The following HTRA3 variants were observed in gnomAD, a reference collection of about 807,000 sequenced individuals.
The protein encoded by HTRA3 is serine protease HTRA3.
In HTRA3, 41 loss-of-function variants were observed where a neutral mutation model predicts 43.2. The ratio of observed to expected loss-of-function variants is 0.95; its 90% CI spans 0.74 to 1.23. The LOEUF is 1.23. HTRA3 is among the 50% of genes most tolerant of loss of function. HTRA3 has a pLI of 0.00. For missense variants in HTRA3, 628 were observed against 647.1 expected, an observed-to-expected ratio of 0.97 and a Z score of 0.32; for synonymous variants, 295 against 287.9, an observed-to-expected ratio of 1.02 and a Z score of -0.25.
chr4:8,270,217 C>G lies in HTRA3; in HGVS notation c.249C>G (p.Cys83Trp), dbSNP rs1261702475. The G allele has an allele frequency of 6.5e-7, 1 of 1,537,286 alleles. No homozygotes were observed. The highest frequency in any genetic ancestry group is 1.9e-5 in the Admixed American group (1 of 52,096). The change falls in exon 1 of 9, where the codon TGC becomes TGG. Residue 83 changes from cysteine (C) to tryptophan (W), a missense_variant. Cys to Trp is a radical substitution (Grantham distance 215, BLOSUM62 -2). Transcript: ENST00000307358. The part of the protein sequence containing the change: ...SLECVRGLCR[C>W]RWSHAVCGTD... ...AGTGCGTGCGCGGCCTATGCCGCTG[C>G]CGCTGGTCGCACGCCGTGTGTGGCA... is the stretch of plus-strand genomic sequence containing the variant.
chr4:8,276,130 G>A (rs1042601342), intron 1 of HTRA3, among the ~76,000 whole-genome samples: 5 of 152,260 alleles, frequency 3.3e-5, no homozygotes, highest in African/African-American at 1.2e-4. Flanking sequence ...CTGCCCACCT[G>A]TGTGCATTAC....
At chr4:8,304,648 T>G (rs1713772510) in intron 8 of HTRA3, among the ~76,000 whole-genome samples, 1 of 83,840 alleles carries the variant, frequency 1.2e-5, no homozygotes, top group African/African-American at 4.7e-5. Flanking sequence ...CTATTGTTTT[T>G]TTTTTTTTTT....
At chr4:8,299,909 G>C (rs1713579677) in intron 6 of HTRA3, among the ~76,000 whole-genome samples, 1 of 143,992 alleles carries the variant, frequency 6.9e-6, no homozygotes, top group South Asian at 2.2e-4. Context: ...GTGTGATCTT[G>C]GCTCCCTGCA....
chr4:8,269,966 G>T lies in HTRA3; in HGVS notation c.-3G>T, dbSNP rs756468653. 1.1e-5 allele frequency: 13 copies of T among 1,158,688 alleles called. No homozygotes were observed. The South Asian group carries it at 5.1e-4, about 45-fold the overall frequency. The allele number at this position is 1,158,688 out of a possible 1,614,324, so 71.8% of individuals were successfully genotyped here. On this transcript the variant is annotated 5_prime_UTR_variant, in exon 1 of 9. Transcript: ENST00000307358. ...GCTGCCACCCGCCGCCGGCCCTGCC[G>T]CCATGCAGGCGCGAGCGCTGCTCCT...
chr4:8,271,383 G>A (rs1488621357), intron 1 of HTRA3, among the ~76,000 whole-genome samples: 1 of 152,210 alleles, frequency 6.6e-6, no homozygotes, highest in Non-Finnish European at 1.5e-5. Context: ...GAAACCCAGG[G>A]CTTCCCCAGA....
At chr4:8,299,932 C>A (rs1713580835) in intron 6 of HTRA3, among the ~76,000 whole-genome samples, 2 of 151,752 alleles carry the variant, frequency 1.3e-5, no homozygotes, top group African/African-American at 2.4e-5. Flanking sequence ...CTCTACCTCC[C>A]AGGCTCAAGT....
rs1713423114 is a variant in HTRA3, at chr4:8,295,510, T to C, written c.1051+1309T>C. On this transcript the variant is annotated intron_variant, in intron 6 of 8. Coordinates refer to ENST00000307358, the MANE Select transcript of HTRA3 (RefSeq NM_053044.5). This position sits in a 1 kb window ranked among gnomAD's most constrained non-coding sequence, Gnocchi z 6.9. ...CCTTAAGTGGGCAGTCGCAGCCACC[T>C]TCCAGAGCAGGGCCATGCTTCCAAT... Among the ~76,000 whole-genome samples the C allele has an allele frequency of 6.6e-6, 1 of 152,146 alleles. No homozygotes were observed. The highest frequency in any genetic ancestry group is 1.5e-5 in the Non-Finnish European group (1 of 68,004).
At chr4:8,275,265 G>A (rs1014772356) in intron 1 of HTRA3, among the ~76,000 whole-genome samples, 1 of 152,140 alleles carries the variant, frequency 6.6e-6, no homozygotes, top group South Asian at 2.1e-4. Context: ...GTCTTCCCCC[G>A]ACAGGCCTCT....
chr4:8,287,921 T>G (rs1315377542), intron 3 of HTRA3, among the ~76,000 whole-genome samples: 1 of 152,190 alleles, frequency 6.6e-6, no homozygotes, highest in African/African-American at 2.4e-5. Context: ...GGGACCACAG[T>G]TGAGTTACTT....
In HTRA3 at chr4:8,270,304, G is replaced by T. The variant is rs1377904294; in HGVS notation, c.336G>T (p.Gln112His). The stretch of plus-strand genomic sequence containing the variant: ...AGGCGGCCAGCCGCCGCGCGCTGCA[G>T]CTCTCCGGGACGCCCGTGCGCCAGC... ...ALQAASRRALQLSGTPVRQLQ... is the reference protein window; with the variant it reads ...ALQAASRRALHLSGTPVRQLQ... The change falls in exon 1 of 9, where the codon CAG (glutamine) becomes CAT (histidine). Residue 112 changes from glutamine to histidine, a missense_variant. Transcript: ENST00000307358. The T allele has an allele frequency of 6.8e-7, 1 of 1,475,028 alleles. No individual in the cohort carries two copies. The highest frequency in any genetic ancestry group is 2.4e-5 in the Admixed American group (1 of 41,986). 91.4% of individuals were successfully genotyped at this position (1,475,028 alleles called of 1,614,324 possible).
intron 1 of HTRA3, among the ~76,000 whole-genome samples, chr4:8,280,031 G>A (rs898244260): frequency 2.6e-4 from 40 of 152,228 alleles, no homozygotes; most frequent in African/African-American, 8.7e-4. Context: ...GGGCTGCCTG[G>A]AGGAGGCAGG....
rs1349735045 is a variant in HTRA3, at chr4:8,306,237, G to A, written c.*101G>A. On this transcript the variant is annotated 3_prime_UTR_variant, in exon 9 of 9. Coordinates refer to ENST00000307358, the MANE Select transcript of HTRA3 (RefSeq NM_053044.5). This position sits in a 1 kb window ranked among gnomAD's most constrained non-coding sequence, Gnocchi z 8.9. Reference sequence around the variant, plus strand: ...AGGACCACCGTCGGTCCTCAGCAGGGCGGCAGCCTCCTCCTGGCTGTCCGG... The same window carrying A: ...AGGACCACCGTCGGTCCTCAGCAGGACGGCAGCCTCCTCCTGGCTGTCCGG... 7.8e-7 allele frequency: 1 copy of A among 1,283,220 alleles called. No individual in the cohort carries two copies. The highest frequency in any genetic ancestry group is 1.5e-5 in the African/African-American group (1 of 66,346). The allele number at this position is 1,283,220 out of a possible 1,614,324, so 79.5% of individuals were successfully genotyped here.
Position 8,295,082 on chromosome 4 carries a change from T to TC in HTRA3, c.1051+882dup, listed in dbSNP as rs1195752562. Among the ~76,000 whole-genome samples the TC allele has an allele frequency of 6.7e-6, 1 of 149,814 alleles. No homozygotes were observed. The highest frequency in any genetic ancestry group is 1.5e-5 in the Non-Finnish European group (1 of 67,396). ...TTCTTCCTTCCTTTATTTTTTCCTTTCTTTTTTTCCTTCTCTCCTTCCTTC... is the reference window on the plus strand; with the variant it reads ...TTCTTCCTTCCTTTATTTTTTCCTTTCCTTTTTTTCCTTCTCTCCTTCCTTC... On this transcript the variant is annotated intron_variant, in intron 6 of 8. Coordinates refer to ENST00000307358, the MANE Select transcript of HTRA3 (RefSeq NM_053044.5). This position sits in a 1 kb window ranked among gnomAD's most constrained non-coding sequence, Gnocchi z 6.9.
At position 8,295,653 on chromosome 4, in the gene HTRA3, C is replaced by G; in HGVS notation, c.1051+1452C>G. On this transcript the variant is annotated intron_variant, in intron 6 of 8. Coordinates refer to ENST00000307358, the MANE Select transcript of HTRA3 (RefSeq NM_053044.5). This position sits in a 1 kb window ranked among gnomAD's most constrained non-coding sequence, Gnocchi z 6.9. ...TCCTGGCCAACGCCCAGGCCTGACTCAGCAACTCACACTTCCACATTGCTT... is the reference window on the plus strand; with the variant it reads ...TCCTGGCCAACGCCCAGGCCTGACTGAGCAACTCACACTTCCACATTGCTT... 1 of 1,384,088 alleles carries G rather than the reference C, an allele frequency of 7.2e-7. No homozygotes were observed. The highest frequency in any genetic ancestry group is 1.7e-5 in the South Asian group (1 of 58,720). 85.7% of individuals were successfully genotyped at this position (1,384,088 alleles called of 1,614,324 possible). A position where few individuals can be genotyped will look rare whatever the true frequency, so the allele number is the denominator to read the frequency against.
At chr4:8,282,019 G>A (rs534971164) in intron 1 of HTRA3, among the ~76,000 whole-genome samples, 8 of 152,304 alleles carry the variant, frequency 5.3e-5, no homozygotes, top group African/African-American at 9.6e-5. Context: ...CATGAGGAGA[G>A]GGCCAGTTCT....
At position 8,281,182 on chromosome 4, in the gene HTRA3, C is replaced by T. The variant is rs141773771; in HGVS notation, c.386-1255C>T. Among the ~76,000 whole-genome samples the T allele has an allele frequency of 8.5e-5, 13 of 152,312 alleles. No homozygotes were observed. In the East Asian group the frequency reaches 1.7e-3, roughly 20 times the overall value. Reference sequence around the variant, plus strand: ...CTGTGATGATTCCTAGAGCACGGACCGCGGCCCGGGCCCTGCCCCCACAGT... The same window carrying T: ...CTGTGATGATTCCTAGAGCACGGACTGCGGCCCGGGCCCTGCCCCCACAGT... On this transcript the variant is annotated intron_variant, in intron 1 of 8. Coordinates refer to ENST00000307358, the MANE Select transcript of HTRA3 (RefSeq NM_053044.5).
chr4:8,298,268 G>C (rs1350967304), intron 6 of HTRA3, among the ~76,000 whole-genome samples: 1 of 152,194 alleles, frequency 6.6e-6, no homozygotes, highest in Non-Finnish European at 1.5e-5. Flanking sequence ...GGCCAGCTCT[G>C]ACCCCATCTC....
chr4:8,305,578 C>T lies in HTRA3; in HGVS notation c.1197-393C>T, dbSNP rs1713809555. 2.6e-5 allele frequency among the ~76,000 whole-genome samples: 4 copies of T among 152,222 alleles called. No individual in the cohort carries two copies. In the South Asian group the frequency reaches 8.3e-4, roughly 31 times the overall value. On this transcript the variant is annotated intron_variant, in intron 8 of 8. Coordinates refer to ENST00000307358, the MANE Select transcript of HTRA3 (RefSeq NM_053044.5). ...AGAAGGCTGGCCCCGTGAGCTCTGC[C>T]TCCCACATAGACGTCTTCGTAACTG...
chr4:8,292,376 ATC>A lies in HTRA3; in HGVS notation c.936+28_936+29del, dbSNP rs770665456. On this transcript the variant is annotated intron_variant, in intron 5 of 8. Transcript: ENST00000307358. ...CTGGTAAGTGTCCCCTAGAGCCAAA[ATC>A]TCTCAGGTTTCTGGGGTTCTTCTCA... 4.4e-6 allele frequency: 7 copies of A among 1,608,244 alleles called. No individual in the cohort carries two copies. The East Asian group carries it at 1.6e-4, about 36-fold the overall frequency.
Sources: allele counts gnomAD v4.1 joint callset (sites outside exome capture counted in the v4.1 genomes callset), GRCh38; gene constraint gnomAD v4.1.1; non-coding constraint Gnocchi (gnomAD v3.1); transcripts MANE v1.5; gene names NCBI Gene and HGNC (gene_info 2026-07-23, HGNC 2026-07-21).